USF2: variants seen among roughly 807,000 people sequenced by gnomAD.
The protein encoded by USF2 is upstream stimulatory factor 2.
Under a neutral mutation model 46.9 loss-of-function variants are expected in USF2, and 16 were observed. The observed-to-expected ratio is 0.34, with a 90% CI of 0.23 to 0.52. The LOEUF (loss-of-function observed/expected upper bound fraction) is 0.52. USF2 is among the 20% of genes least tolerant of loss of function. USF2 has a pLI of 0.96. For missense variants in USF2, 411 were observed against 474.0 expected (o/e 0.87, Z 1.23); for synonymous variants, 239 against 194.1 (o/e 1.23, Z -1.92).
Position 35,278,704 on chromosome 19 carries a change from G to A in USF2, c.734G>A (p.Arg245Gln). 2 of 1,614,158 alleles carry A rather than the reference G, an allele frequency of 1.2e-6. No homozygotes were observed. Among genetic ancestry groups the A allele is most frequent in the Non-Finnish European group, 8.5e-7 (1 of 1,180,008 alleles). Residue 245 changes from arginine to glutamine, a missense_variant, in exon 8 of 10, where the codon CGG (arginine) becomes CAG (glutamine). By Grantham distance (43) the Arg-to-Gln change is conservative (BLOSUM62 1). Transcript: ENST00000222305. ...GTGACTCTGTTTTCCGCAGTGGAGC[G>A]GAGGCGGAGGGACAAGATCAACAAC... ...RRRAQHNEVE[R>Q]RRRDKINNWI... is the part of the protein sequence containing the mutation.
At position 35,269,884 on chromosome 19, in the gene USF2, A is replaced by T. The variant is rs1005489302; in HGVS notation, c.310A>T (p.Thr104Ser). 1.4e-6 allele frequency: 2 copies of T among 1,409,788 alleles called. No individual in the cohort carries two copies. Among genetic ancestry groups the T allele is most frequent in the Non-Finnish European group, 9.2e-7 (1 of 1,090,532 alleles). 87.3% of individuals were successfully genotyped at this position (1,409,788 alleles called of 1,614,324 possible). A position where few individuals can be genotyped will look rare whatever the true frequency, so the allele number is the denominator to read the frequency against. The change falls in exon 4 of 10, where the codon ACC (threonine) becomes TCC (serine). Residue 104 changes from threonine (T) to serine (S), a missense_variant. By Grantham distance (58) the Thr-to-Ser change is moderately conservative. Coordinates refer to ENST00000222305, the MANE Select transcript of USF2 (RefSeq NM_003367.4). ...AGCTGGCGCCGTCAGCGTCGTGTCCACCGCTGCCTTCGCGGGGGGGCAGCA... is the reference window on the plus strand; with the variant it reads ...AGCTGGCGCCGTCAGCGTCGTGTCCTCCGCTGCCTTCGCGGGGGGGCAGCA... ...DTAGAVSVVS[T>S]AAFAGGQQAV...
At position 35,279,594 on chromosome 19, in the gene USF2, T is replaced by A; in HGVS notation, c.*338T>A. 7.2e-6 allele frequency: 2 copies of A among 276,374 alleles called. No individual in the cohort carries two copies. Among genetic ancestry groups the A allele is most frequent in the Non-Finnish European group, 1.3e-5 (2 of 148,280 alleles). The allele number at this position is 276,374 out of a possible 1,614,324, so 17.1% of individuals were successfully genotyped here. On this transcript the variant is annotated 3_prime_UTR_variant, in exon 10 of 10. Transcript: ENST00000222305. ...GCTGCCTCCTGCTCTCTGGAGGTAC[T>A]GAGACAGGGTGCTGATGGGAAGGAG...
At position 35,269,572 on chromosome 19, in the gene USF2, C is replaced by G. The variant is rs762695864; in HGVS notation, c.110-9C>G. ...GCCCTGACCGTGCCCCGACCCTCCT[C>G]GGCCCCAGGCGGGGACGGCCCAGGA... On this transcript the variant is annotated splice_polypyrimidine_tract_variant and intron_variant, in intron 2 of 9. Coordinates refer to ENST00000222305, the MANE Select transcript of USF2 (RefSeq NM_003367.4). The G allele has an allele frequency of 3.2e-6, 5 of 1,576,702 alleles. No homozygotes were observed. The South Asian group carries it at 5.8e-5, about 18-fold the overall frequency.
chr19:35,277,564 CCTT>C (rs1377750125), intron 7 of USF2: 8 of 152,398 alleles, frequency 5.2e-5, no homozygotes, highest in South Asian at 2.1e-4. Context: ...GCCCACCCCT[CCTT>C]CTCAGGCTCA....
In USF2 at chr19:35,274,054, C is replaced by G. The variant is rs1034868529; in HGVS notation, c.727+2913C>G. Among the ~76,000 whole-genome samples, 6 of 152,334 alleles carry G rather than the reference C, an allele frequency of 3.9e-5. No individual in the cohort carries two copies. The South Asian group carries it at 1.2e-3, about 32-fold the overall frequency. On this transcript the variant is annotated intron_variant, in intron 7 of 9. Coordinates refer to ENST00000222305, the MANE Select transcript of USF2 (RefSeq NM_003367.4). Reference sequence around the variant, plus strand: ...CTCCCAGGCTTCGCCCACCACCTGGCTCCTGGTAATGCAAGGAACTGTGTT... The same window carrying G: ...CTCCCAGGCTTCGCCCACCACCTGGGTCCTGGTAATGCAAGGAACTGTGTT...
At chr19:35,273,370 C>T (rs1419738287) in intron 7 of USF2, among the ~76,000 whole-genome samples, 3 of 152,300 alleles carry the variant, frequency 2.0e-5, no homozygotes, top group East Asian at 1.9e-4. Flanking sequence ...CTGGAATCTT[C>T]CTTTCTCCTC....
In USF2 at chr19:35,269,170, TC is replaced by T. The variant is rs1170392243; in HGVS notation, c.62+11del. 3.0e-6 allele frequency: 3 copies of T among 988,344 alleles called. No homozygotes were observed. Among genetic ancestry groups the T allele is most frequent in the Non-Finnish European group, 3.6e-6 (3 of 839,856 alleles). 61.2% of individuals were successfully genotyped at this position (988,344 alleles called of 1,614,324 possible). ...CCGCTGCTGCCGCCGCCAGGTAAGA[TC>T]CCCGGCCCGGCCGTGCCCCCGCGCC... On this transcript the variant is annotated splice_region_variant and intron_variant, in intron 1 of 9. Coordinates refer to ENST00000222305, the MANE Select transcript of USF2 (RefSeq NM_003367.4).
intron 1 of USF2, 93 bp downstream of exon 1, chr19:35,269,256 G>A (rs1358674605): frequency 2.1e-6 from 2 of 955,846 alleles, no homozygotes; most frequent in African/African-American, 1.9e-5. Flanking sequence ...CCGAGCGGCC[G>A]CGGGCCCGGC....
At chr19:35,278,610 G>T in intron 7 of USF2, 88 bp from the exon 8 acceptor site, 15 of 1,377,074 alleles carry the variant, frequency 1.1e-5, no homozygotes, top group Non-Finnish European at 1.4e-5. Flanking sequence ...GTTCCTGGGT[G>T]TCCTTGGGCT....
At chr19:35,275,697 AT>A (rs1198311135) in intron 7 of USF2, 2 of 152,114 alleles carry the variant, frequency 1.3e-5, no homozygotes, top group Non-Finnish European at 2.9e-5. Context: ...ATTTCCAAAT[AT>A]TTGTGGGTTT....
Position 35,278,784 on chromosome 19 carries a change from A to G in USF2, c.814A>G (p.Thr272Ala). ...AGACTGTAACGCAGACAACAGCAAG[A>G]CGGGAGCGGTGAGCACCCCGGACCC... ...IPDCNADNSK[T>A]GASKGGILSK... is the part of the protein sequence containing the mutation. Residue 272 changes from threonine to alanine, a missense_variant, in exon 8 of 10, where the codon ACG becomes GCG. Physicochemically the swap from Thr to Ala is moderately conservative, Grantham distance 58. This residue lies in a region of USF2 where 93 missense variants were observed against 151.6 expected (regional missense o/e 0.61). Transcript: ENST00000222305. 1.9e-6 allele frequency: 3 copies of G among 1,613,752 alleles called. No homozygotes were observed. Among genetic ancestry groups the G allele is most frequent in the Non-Finnish European group, 2.5e-6 (3 of 1,179,956 alleles).
In USF2 at chr19:35,271,368, C is replaced by T. The variant is rs182673287; in HGVS notation, c.727+227C>T. Among the ~76,000 whole-genome samples, 703 of 152,276 alleles carry T rather than the reference C, an allele frequency of 4.6e-3. 2 individuals are homozygous for T. Among genetic ancestry groups the T allele is most frequent in the Non-Finnish European group, 8.2e-3 (555 of 68,016 alleles). On this transcript the variant is annotated intron_variant, in intron 7 of 9. Transcript: ENST00000222305. ...AATTGGAACTGGCCATTTGTTGACC[C>T]GGCTGGTGATCTTGAATTCATGGCC... is the stretch of plus-strand genomic sequence containing the variant.
At chr19:35,269,321 C>T in intron 1 of USF2, 125 bp from the exon 2 acceptor site, 3 of 917,918 alleles carry the variant, frequency 3.3e-6, no homozygotes, top group Non-Finnish European at 3.9e-6. Flanking sequence ...CCCCCGGCCC[C>T]CGGCCTCGGC....
At chr19:35,273,859 C>T (rs563074923) in intron 7 of USF2, among the ~76,000 whole-genome samples, 15 of 152,352 alleles carry the variant, frequency 9.8e-5, no homozygotes, top group East Asian at 3.9e-4. Context: ...TCATAAGGTC[C>T]GGCCCCTCCC....
intron 7 of USF2, among the ~76,000 whole-genome samples, chr19:35,273,723 A>C (rs2066191331): frequency 6.6e-6 from 1 of 151,434 alleles, no homozygotes; most frequent in Non-Finnish European, 1.5e-5. Flanking sequence ...ACATGGGGTA[A>C]TTTTTTTTTA....
intron 7 of USF2, among the ~76,000 whole-genome samples, chr19:35,274,044 C>T (rs2066197710): frequency 6.6e-6 from 1 of 152,218 alleles, no homozygotes; most frequent in African/African-American, 2.4e-5. Context: ...AGGCTTCGCC[C>T]ACCACCTGGC....
intron 1 of USF2, 23 bp downstream of exon 1, chr19:35,269,186 GC>G (rs1370485282): frequency 4.0e-6 from 4 of 989,846 alleles, no homozygotes; most frequent in South Asian, 4.3e-5. Flanking sequence ...GCCCGGCCGT[GC>G]CCCCGCGCCC....
intron 7 of USF2, among the ~76,000 whole-genome samples, chr19:35,273,957 G>A (rs1055384755): frequency 2.6e-5 from 4 of 152,160 alleles, no homozygotes; most frequent in Non-Finnish European, 5.9e-5. Flanking sequence ...CCCCCTTGTA[G>A]GTGTTCCTCT....
chr19:35,278,800 C>T lies in USF2; in HGVS notation c.822+8C>T, dbSNP rs985627709. 6.2e-7 allele frequency: 1 copy of T among 1,613,830 alleles called. No individual in the cohort carries two copies. Among genetic ancestry groups the T allele is most frequent in the Non-Finnish European group, 8.5e-7 (1 of 1,179,980 alleles). ...AACAGCAAGACGGGAGCGGTGAGCA[C>T]CCCGGACCCTCAGTGTCTGCGGTGG... On this transcript the variant is annotated splice_region_variant and intron_variant, in intron 8 of 9. Transcript: ENST00000222305.
Sources: gnomAD v4.1 joint callset for allele counts (sites outside exome capture counted in the v4.1 genomes callset) on GRCh38, gnomAD v4.1.1 for gene constraint, gnomAD v4.1.1 regional missense constraint, MANE v1.5 for transcripts, NCBI Gene and HGNC (gene_info 2026-07-23, HGNC 2026-07-21) for gene names.